The following FSHR variants were observed in gnomAD, a reference collection of about 807,000 sequenced individuals.
FSHR encodes the protein follicle-stimulating hormone receptor.
FSHR carries 46 observed loss-of-function variants against 52.1 expected under a neutral mutation model. The ratio of observed to expected loss-of-function variants is 0.88; its 90% CI spans 0.70 to 1.13. FSHR has a LOEUF of 1.13. Ranked by LOEUF, FSHR falls within the 50% of genes most tolerant of loss-of-function variation. The pLI is 0.00. For missense variants in FSHR, 964 were observed against 834.6 expected (o/e 1.16, Z -1.91); for synonymous variants, 399 against 309.6 (o/e 1.29, Z -3.03).
At chr2:49,033,504 G>C (rs1028403940) in intron 2 of FSHR, among the ~76,000 whole-genome samples, 2 of 152,146 alleles carry the variant, frequency 1.3e-5, no homozygotes, top group African/African-American at 4.8e-5. Flanking sequence ...AGTTGATGAA[G>C]AGGCCAACGC....
At chr2:49,128,263 C>G (rs937766333) in intron 1 of FSHR, among the ~76,000 whole-genome samples, 1 of 152,010 alleles carries the variant, frequency 6.6e-6, no homozygotes, top group Non-Finnish European at 1.5e-5. Context: ...TGAACAGACA[C>G]TTGTTGAATA....
intron 4 of FSHR, among the ~76,000 whole-genome samples, chr2:48,994,106 T>C (rs993867391): frequency 2.0e-5 from 3 of 152,164 alleles, no homozygotes; most frequent in African/African-American, 7.2e-5. Flanking sequence ...TAAAATGTGC[T>C]CAATGTTTGC....
intron 1 of FSHR, among the ~76,000 whole-genome samples, chr2:49,127,829 C>CTTTTT (rs1672092224): frequency 4.9e-5 from 2 of 40,908 alleles, no homozygotes; most frequent in Non-Finnish European, 8.4e-5. Flanking sequence ...TCTTCTTCTT[C>CTTTTT]CTCTTCTTCT....
At chr2:49,020,188 G>T in intron 2 of FSHR, 28 bp from the exon 3 acceptor site, 1 of 1,572,684 alleles carries the variant, frequency 6.4e-7, no homozygotes, top group Non-Finnish European at 8.8e-7. Context: ...TATAAGTCAA[G>T]CCAGTTCAGT....
intron 1 of FSHR, among the ~76,000 whole-genome samples, chr2:49,135,881 A>C (rs953557607): frequency 3.9e-5 from 6 of 152,184 alleles, no homozygotes; most frequent in African/African-American, 1.4e-4. Flanking sequence ...ATGGATCATC[A>C]TAAAGGTCTT....
chr2:49,120,775 T>C (rs10191447), intron 1 of FSHR, among the ~76,000 whole-genome samples: 37,582 of 152,124 alleles, frequency 0.25, 4,991 homozygotes, highest in East Asian at 0.47. Context: ...GAAAAGTTGT[T>C]TTAAAAGAGC....
intron 1 of FSHR, among the ~76,000 whole-genome samples, chr2:49,072,105 A>T (rs1258750418): frequency 6.6e-6 from 1 of 152,184 alleles, no homozygotes; most frequent in Non-Finnish European, 1.5e-5. Flanking sequence ...AGTATTAAAA[A>T]ATTACTTTCT....
chr2:48,996,414 C>G (rs1435712700), intron 4 of FSHR, among the ~76,000 whole-genome samples: 1 of 152,018 alleles, frequency 6.6e-6, no homozygotes, highest in African/African-American at 2.4e-5. Flanking sequence ...TCCTATAAGC[C>G]TTTGGTGGCA....
chr2:48,983,002 A>C lies in FSHR; in HGVS notation c.594-16T>G. ...GCTTAGATTCCTGGGGATGGGGTTGAGGAAAGAAGAAGGAAAACACAAAGC... is the reference window on the plus strand; with the variant it reads ...GCTTAGATTCCTGGGGATGGGGTTGCGGAAAGAAGAAGGAAAACACAAAGC... On this transcript the variant is annotated splice_polypyrimidine_tract_variant and intron_variant, in intron 7 of 9. Transcript: ENST00000406846. 6.2e-7 allele frequency: 1 copy of C among 1,612,850 alleles called. No individual in the cohort carries two copies. Among genetic ancestry groups the C allele is most frequent in the Non-Finnish European group, 8.5e-7 (1 of 1,178,798 alleles).
chr2:49,077,049 C>A (rs577064951), intron 1 of FSHR, among the ~76,000 whole-genome samples: 1 of 152,104 alleles, frequency 6.6e-6, no homozygotes, highest in African/African-American at 2.4e-5. Flanking sequence ...GGATGGTGGC[C>A]GTCTTCTCAC....
chr2:49,086,027 T>C (rs1487787940), intron 1 of FSHR, among the ~76,000 whole-genome samples: 2 of 152,004 alleles, frequency 1.3e-5, no homozygotes, highest in Admixed American at 1.3e-4. Context: ...GACGAGTTAA[T>C]GGGTGCAGCA....
At chr2:49,109,807 A>G (rs188221674) in intron 1 of FSHR, among the ~76,000 whole-genome samples, 230 of 152,322 alleles carry the variant, frequency 1.5e-3, no homozygotes, top group African/African-American at 5.3e-3. Context: ...TAGGAACGTG[A>G]AAATAAAATT....
chr2:49,132,886 T>C (rs1487841849), intron 1 of FSHR, among the ~76,000 whole-genome samples: 2 of 141,286 alleles, frequency 1.4e-5, no homozygotes, highest in African/African-American at 2.6e-5. Context: ...AAACAAAAAC[T>C]ATTCAGAGTT....
At chr2:48,997,183 T>G (rs994642753) in intron 4 of FSHR, 16 of 971,316 alleles carry the variant, frequency 1.6e-5, no homozygotes, top group Middle Eastern at 5.2e-4. Context: ...ACTTACCTTT[T>G]CAGAGTCTCA....
At chr2:49,032,319 G>A (rs1018043545) in intron 2 of FSHR, among the ~76,000 whole-genome samples, 1 of 152,196 alleles carries the variant, frequency 6.6e-6, no homozygotes, top group Non-Finnish European at 1.5e-5. Flanking sequence ...TGCTGGAGCT[G>A]TGGCAACTGT....
chr2:49,094,884 A>G (rs1208854635), intron 1 of FSHR, among the ~76,000 whole-genome samples: 1 of 152,080 alleles, frequency 6.6e-6, no homozygotes, highest in Non-Finnish European at 1.5e-5. Flanking sequence ...ATTATTGGAC[A>G]CTTTGATAAA....
At chr2:49,043,096 G>T (rs1668536117) in intron 2 of FSHR, among the ~76,000 whole-genome samples, 1 of 152,042 alleles carries the variant, frequency 6.6e-6, no homozygotes. Flanking sequence ...GGAAAACACT[G>T]TTGTTTTTTC....
intron 1 of FSHR, among the ~76,000 whole-genome samples, chr2:49,095,399 G>T (rs34374348): frequency 0.25 from 37,828 of 152,020 alleles, 5,346 homozygotes; most frequent in East Asian, 0.47. Context: ...TGAATAAATG[G>T]TGCTGGGACA....
At chr2:49,100,388 A>T (rs1670982820) in intron 1 of FSHR, among the ~76,000 whole-genome samples, 2 of 152,150 alleles carry the variant, frequency 1.3e-5, no homozygotes, top group Non-Finnish European at 2.9e-5. Flanking sequence ...TTCTCCTTTG[A>T]TTTCTTCAAT....
Sources: gnomAD v4.1 joint callset for allele counts (sites outside exome capture counted in the v4.1 genomes callset) on GRCh38, gnomAD v4.1.1 for gene constraint, MANE v1.5 for transcripts, NCBI Gene and HGNC (gene_info 2026-07-23, HGNC 2026-07-21) for gene names.